Variants in GRIK1 observed in about 807,000 individuals in gnomAD.
GRIK1 encodes the protein glutamate receptor ionotropic, kainate 1.
Under a neutral mutation model 105.7 loss-of-function variants are expected in GRIK1, and 69 were observed. The observed-to-expected ratio is 0.65, with a 90% CI of 0.54 to 0.80. The LOEUF is 0.80. Among genes scored for constraint, GRIK1 ranks in the 30% least tolerant of loss-of-function variants. GRIK1 has a pLI of 0.00. For missense variants in GRIK1, 1,109 were observed against 1,167.3 expected (o/e 0.95, Z 0.73); for synonymous variants, 438 against 431.3 (o/e 1.02, Z -0.19).
chr21:29,927,540 A>G (rs1436418377), intron 1 of GRIK1, among the ~76,000 whole-genome samples: 1 of 150,242 alleles, frequency 6.7e-6, no homozygotes, highest in Non-Finnish European at 1.5e-5. Flanking sequence ...AAATGCAGCC[A>G]TATACACACT....
intron 1 of GRIK1, among the ~76,000 whole-genome samples, chr21:29,783,882 T>A (rs993254617): frequency 6.6e-6 from 1 of 152,212 alleles, no homozygotes; most frequent in Admixed American, 6.5e-5. Context: ...CTTTTACTAT[T>A]ACCATATCAA....
chr21:29,768,766 G>T (rs538883873), intron 1 of GRIK1, among the ~76,000 whole-genome samples: 3 of 152,138 alleles, frequency 2.0e-5, no homozygotes, highest in African/African-American at 7.2e-5. Flanking sequence ...ATTTGAGCTC[G>T]TTCTGTTCAC....
At chr21:29,539,798 T>A (rs2089939726) in intron 16 of GRIK1, among the ~76,000 whole-genome samples, 2 of 152,128 alleles carry the variant, frequency 1.3e-5, no homozygotes, top group African/African-American at 4.8e-5. Context: ...ATACCCTTTA[T>A]ATAGATGGGG....
Position 29,607,569 on chromosome 21 carries a change from A to C in GRIK1, c.1099-8632T>G, listed in dbSNP as rs144299655. On this transcript the variant is annotated intron_variant, in intron 7 of 17. Transcript: ENST00000327783. Reference sequence around the variant, plus strand: ...TACATTGTATTGCTACCCTTGAAAAAGTTCACAGAAATTGCTTGTATGTAA... The same window carrying C: ...TACATTGTATTGCTACCCTTGAAAACGTTCACAGAAATTGCTTGTATGTAA... Among the ~76,000 whole-genome samples the C allele has an allele frequency of 3.8e-3, 582 of 152,276 alleles. 5 individuals are homozygous for C. Among genetic ancestry groups the C allele is most frequent in the African/African-American group, 0.013 (559 of 41,550 alleles).
chr21:29,645,193 G>T (rs1457849339), intron 6 of GRIK1, among the ~76,000 whole-genome samples: 1 of 152,144 alleles, frequency 6.6e-6, no homozygotes, highest in African/African-American at 2.4e-5. Flanking sequence ...ATACAGACAG[G>T]GAAATTGAGG....
intron 1 of GRIK1, among the ~76,000 whole-genome samples, chr21:29,753,404 C>T (rs1163144598): frequency 6.6e-6 from 1 of 152,174 alleles, no homozygotes; most frequent in East Asian, 1.9e-4. Context: ...AAACAACTCT[C>T]CACACGCTGA....
chr21:29,737,028 G>A (rs1442178282), intron 1 of GRIK1, among the ~76,000 whole-genome samples: 1 of 152,118 alleles, frequency 6.6e-6, no homozygotes, highest in Non-Finnish European at 1.5e-5. Flanking sequence ...TTAAGAAAAT[G>A]TGAGTTTTTT....
chr21:29,903,378 A>G (rs1048560236), intron 1 of GRIK1, among the ~76,000 whole-genome samples: 1 of 152,212 alleles, frequency 6.6e-6, no homozygotes, highest in Non-Finnish European at 1.5e-5. Context: ...TTTTCAATCT[A>G]TCCATCTGAC....
intron 1 of GRIK1, among the ~76,000 whole-genome samples, chr21:29,858,678 G>A (rs1010268634): frequency 2.6e-5 from 4 of 152,070 alleles, no homozygotes; most frequent in African/African-American, 9.7e-5. Flanking sequence ...AAGAGAAGCA[G>A]CTAGCTCATG....
chr21:29,833,237 T>C (rs2067691684), intron 1 of GRIK1, among the ~76,000 whole-genome samples: 1 of 152,224 alleles, frequency 6.6e-6, no homozygotes, highest in Admixed American at 6.5e-5. Flanking sequence ...TCAACAAGTC[T>C]CTAGGAAGTT....
chr21:29,571,445 A>T (rs2090747602), intron 14 of GRIK1, among the ~76,000 whole-genome samples: 1 of 152,170 alleles, frequency 6.6e-6, no homozygotes, highest in South Asian at 2.1e-4. Flanking sequence ...GAGCTATTTT[A>T]AAAAACTAAA....
At chr21:29,904,141 G>A (rs1170822421) in intron 1 of GRIK1, among the ~76,000 whole-genome samples, 2 of 152,128 alleles carry the variant, frequency 1.3e-5, no homozygotes, top group Non-Finnish European at 2.9e-5. Context: ...GATGCTAGGG[G>A]AGGGTTAGCA....
chr21:29,661,324 T>A (rs1407181299), intron 4 of GRIK1, among the ~76,000 whole-genome samples: 1 of 152,194 alleles, frequency 6.6e-6, no homozygotes, highest in African/African-American at 2.4e-5. Context: ...TGGAATATGT[T>A]CCTTTACCTG....
intron 4 of GRIK1, among the ~76,000 whole-genome samples, chr21:29,668,954 C>T (rs189864629): frequency 6.6e-6 from 1 of 152,200 alleles, no homozygotes; most frequent in African/African-American, 2.4e-5. Context: ...GACCCTGCTG[C>T]GAGGTGGTGG....
chr21:29,698,052 C>T (rs1394329943), intron 1 of GRIK1, among the ~76,000 whole-genome samples: 3 of 149,964 alleles, frequency 2.0e-5, no homozygotes, highest in Non-Finnish European at 3.0e-5. Flanking sequence ...TCTCTGTCTC[C>T]CTCCCTTCCT....
intron 1 of GRIK1, among the ~76,000 whole-genome samples, chr21:29,805,970 A>G (rs2066853004): frequency 6.6e-6 from 1 of 152,166 alleles, no homozygotes; most frequent in Non-Finnish European, 1.5e-5. Context: ...ATAAGAAACC[A>G]AACATGCTAT....
rs200727656 is a variant in GRIK1 at position 29,929,309 on chromosome 21, G to C, written c.118+10074C>G. Among the ~76,000 whole-genome samples, 5 of 152,248 alleles carry C rather than the reference G, an allele frequency of 3.3e-5. No individual in the cohort carries two copies. In the East Asian group the frequency reaches 9.7e-4, roughly 29 times the overall value. On this transcript the variant is annotated intron_variant, in intron 1 of 17. Coordinates refer to ENST00000327783, the MANE Select transcript of GRIK1 (RefSeq NM_001330994.2). ...GGCAAATGTCTGCTTTAATAATCGAGAATCTACAAAATCTTATCCTTAACT... is the reference window on the plus strand; with the variant it reads ...GGCAAATGTCTGCTTTAATAATCGACAATCTACAAAATCTTATCCTTAACT...
chr21:29,914,881 C>T (rs1360416262), intron 1 of GRIK1, among the ~76,000 whole-genome samples: 2 of 152,062 alleles, frequency 1.3e-5, no homozygotes, highest in African/African-American at 4.8e-5. Context: ...GTTACGGGAG[C>T]ATTATTAAAC....
chr21:29,703,236 C>A (rs1489889839), intron 1 of GRIK1, among the ~76,000 whole-genome samples: 2 of 152,168 alleles, frequency 1.3e-5, no homozygotes, highest in East Asian at 3.9e-4. Flanking sequence ...CTTCTGTGTG[C>A]CTGTTGTGAC....
Sources: allele counts gnomAD v4.1 joint callset (sites outside exome capture counted in the v4.1 genomes callset), GRCh38; gene constraint gnomAD v4.1.1; transcripts MANE v1.5; gene names NCBI Gene and HGNC (gene_info 2026-07-23, HGNC 2026-07-21).